UBR3: variants seen among roughly 807,000 people sequenced by gnomAD.
UBR3 encodes the protein ubiquitin protein ligase E3 component n-recognin 3, also known as E3 ubiquitin-protein ligase UBR3.
UBR3 carries 85 observed loss-of-function variants against 243.2 expected under a neutral mutation model. The ratio of observed to expected loss-of-function variants is 0.35; its 90% CI spans 0.29 to 0.42. UBR3 has a LOEUF of 0.42. Ranked by LOEUF, UBR3 falls within the 10% of genes least tolerant of loss-of-function variation. The pLI is 1.00. For missense variants in UBR3, 1,686 were observed against 2,300.8 expected (o/e 0.73, Z 5.47); for synonymous variants, 748 against 799.8 (o/e 0.94, Z 1.09).
At chr2:170,013,939 C>T in intron 29 of UBR3, 1 of 469,254 alleles carries the variant, frequency 2.1e-6, no homozygotes, top group African/African-American at 2.0e-5. Context: ...TTTCTGTCCA[C>T]TAGTATGAAA....
intron 1 of UBR3, among the ~76,000 whole-genome samples, chr2:169,851,848 A>C (rs1001344192): frequency 3.3e-5 from 5 of 152,026 alleles, no homozygotes; most frequent in Admixed American, 2.6e-4. Flanking sequence ...AAAAAAAAAA[A>C]AAAAAACAAC....
chr2:169,902,413 G>A (rs1000153996), intron 8 of UBR3, among the ~76,000 whole-genome samples: 3 of 152,042 alleles, frequency 2.0e-5, no homozygotes, highest in Non-Finnish European at 2.9e-5. Context: ...AAGTCCTGAC[G>A]CTGGTTTATA....
At position 170,083,050 on chromosome 2, in the gene UBR3, G is replaced by A. The variant is rs1275620529; in HGVS notation, c.*1207G>A. The A allele has an allele frequency of 6.6e-6, 1 of 152,568 alleles. No individual in the cohort carries two copies. The highest frequency in any genetic ancestry group is 1.5e-5 in the Non-Finnish European group (1 of 68,020). The allele number at this position is 152,568 out of a possible 1,614,324, so 9.5% of individuals were successfully genotyped here. The stretch of plus-strand genomic sequence containing the variant: ...GCTACAAAGATTTTTTTTCCTAAAT[G>A]ATTCAGTAATTGAATGATTATTTAA... On this transcript the variant is annotated 3_prime_UTR_variant, in exon 39 of 39. Transcript: ENST00000272793.
chr2:169,846,120 C>G (rs1249031249), intron 1 of UBR3, among the ~76,000 whole-genome samples: 1 of 152,094 alleles, frequency 6.6e-6, no homozygotes, highest in Non-Finnish European at 1.5e-5. Context: ...TACTGATTTT[C>G]TGTCTGCTTG....
intron 24 of UBR3, among the ~76,000 whole-genome samples, chr2:169,968,782 G>A (rs144920807): frequency 6.6e-6 from 1 of 152,084 alleles, no homozygotes; most frequent in Non-Finnish European, 1.5e-5. Context: ...TTTCATAGTT[G>A]CTATACTAAT....
At chr2:169,903,776 C>T (rs2084916409) in intron 8 of UBR3, among the ~76,000 whole-genome samples, 1 of 152,098 alleles carries the variant, frequency 6.6e-6, no homozygotes, top group African/African-American at 2.4e-5. Context: ...ATCCCAGCTA[C>T]TGAGGAGGCT....
chr2:169,980,485 T>G (rs2088670544), intron 24 of UBR3, among the ~76,000 whole-genome samples: 1 of 152,134 alleles, frequency 6.6e-6, no homozygotes, highest in African/African-American at 2.4e-5. Context: ...AGGCACTATA[T>G]AAAATATTTG....
At chr2:170,047,665 C>T (rs1410691809) in intron 32 of UBR3, among the ~76,000 whole-genome samples, 1 of 152,132 alleles carries the variant, frequency 6.6e-6, no homozygotes, top group South Asian at 2.1e-4. Flanking sequence ...CCCATGGTTG[C>T]ACTTTCTGTG....
At chr2:169,940,255 G>A (rs2086528512) in intron 19 of UBR3, among the ~76,000 whole-genome samples, 1 of 152,016 alleles carries the variant, frequency 6.6e-6, no homozygotes, top group African/African-American at 2.4e-5. Flanking sequence ...ACAAATGTAT[G>A]GATTTTAAGG....
chr2:170,065,916 T>C (rs2091557199), intron 35 of UBR3, among the ~76,000 whole-genome samples: 1 of 152,022 alleles, frequency 6.6e-6, no homozygotes, highest in East Asian at 1.9e-4. Flanking sequence ...GTGGAAGTGA[T>C]AGGTAGTGCC....
chr2:169,977,630 A>AT (rs1384065653), intron 24 of UBR3, among the ~76,000 whole-genome samples: 1 of 152,176 alleles, frequency 6.6e-6, no homozygotes, highest in Non-Finnish European at 1.5e-5. Context: ...AGCAAGCTGA[A>AT]TATCACCCTT....
At chr2:169,837,526 A>C (rs1170390533) in intron 1 of UBR3, among the ~76,000 whole-genome samples, 1 of 152,210 alleles carries the variant, frequency 6.6e-6, no homozygotes, top group Non-Finnish European at 1.5e-5. Context: ...TTATAAAGGA[A>C]AGAGGTTTAA....
chr2:169,907,325 C>T (rs1245849911), intron 10 of UBR3, among the ~76,000 whole-genome samples: 3 of 152,068 alleles, frequency 2.0e-5, no homozygotes, highest in African/African-American at 7.2e-5. Context: ...TCTGAATTAA[C>T]TTTTAAAAAC....
At chr2:169,842,689 G>A (rs1049720223) in intron 1 of UBR3, among the ~76,000 whole-genome samples, 1 of 152,032 alleles carries the variant, frequency 6.6e-6, no homozygotes, top group Non-Finnish European at 1.5e-5. Flanking sequence ...CTTCACTCCT[G>A]AGCCAGCGAG....
chr2:169,899,952 A>G (rs527775956), intron 8 of UBR3, among the ~76,000 whole-genome samples: 1 of 152,234 alleles, frequency 6.6e-6, no homozygotes, highest in African/African-American at 2.4e-5. Flanking sequence ...ACAGTGCCGC[A>G]ATATACATGT....
At chr2:170,008,746 G>C in intron 28 of UBR3, 58 bp from the exon 29 acceptor site, 4 of 866,778 alleles carry the variant, frequency 4.6e-6, no homozygotes, top group Non-Finnish European at 6.8e-6. Context: ...TCTAGTTTCA[G>C]ACCATTATTA....
chr2:169,891,639 C>CAG (rs1553504907), intron 6 of UBR3, among the ~76,000 whole-genome samples: 3 of 151,552 alleles, frequency 2.0e-5, no homozygotes, highest in Admixed American at 6.6e-5. Context: ...CACACACACA[C>CAG]AGGGAATGAA....
At chr2:169,856,992 A>G (rs1013622714) in intron 1 of UBR3, among the ~76,000 whole-genome samples, 1 of 133,436 alleles carries the variant, frequency 7.5e-6, no homozygotes, top group African/African-American at 2.8e-5. Flanking sequence ...GAGGTATGTT[A>G]TTTATTTAAT....
chr2:169,828,096 G>A, intron 1 of UBR3, 44 bp downstream of exon 1: 1 of 1,349,462 alleles, frequency 7.4e-7, no homozygotes, highest in Non-Finnish European at 9.5e-7. Context: ...CTGGGCCGGG[G>A]ACGTCGCGGG....
Sources: allele counts gnomAD v4.1 joint callset (sites outside exome capture counted in the v4.1 genomes callset), GRCh38; gene constraint gnomAD v4.1.1; transcripts MANE v1.5; gene names NCBI Gene and HGNC (gene_info 2026-07-23, HGNC 2026-07-21).